Variants in ABCA13 observed in about 807,000 individuals in gnomAD.
The protein encoded by ABCA13 is ATP-binding cassette sub-family A member 13.
Under a neutral mutation model 478.7 loss-of-function variants are expected in ABCA13, and 476 were observed. That is an observed-to-expected ratio of 0.99 (90% CI 0.92 to 1.07). The LOEUF is 1.07. Among genes scored for constraint, ABCA13 ranks in the 50% least tolerant of loss-of-function variants. ABCA13 has a pLI of 0.00. For synonymous variants in ABCA13, 2,252 were observed against 2,158.9 expected (o/e 1.04, Z -1.20); for missense variants, 6,060 against 5,910.6 (o/e 1.03, Z -0.83).
At chr7:48,294,440 T>G (rs202183982) in intron 20 of ABCA13, among the ~76,000 whole-genome samples, 67,928 of 132,250 alleles carry the variant, frequency 0.51, 17,623 homozygotes, top group East Asian at 0.83. Context: ...TTTTTTTTTT[T>G]TGTTTTGTTT....
intron 31 of ABCA13, among the ~76,000 whole-genome samples, chr7:48,355,963 C>CT (rs150180941): frequency 0.016 from 2,444 of 151,842 alleles, 104 homozygotes; most frequent in African/African-American, 0.057. Context: ...ATTTAGAACT[C>CT]TAAGATATTA....
At chr7:48,214,912 A>G (rs950253125) in intron 3 of ABCA13, among the ~76,000 whole-genome samples, 1 of 152,170 alleles carries the variant, frequency 6.6e-6, no homozygotes, top group Non-Finnish European at 1.5e-5. Flanking sequence ...TTGCATTCAC[A>G]ACTTCATTAA....
Position 48,566,378 on chromosome 7 carries a change from T to C in ABCA13, c.14355-13846T>C, listed in dbSNP as rs142224466. Among the ~76,000 whole-genome samples the C allele has an allele frequency of 7.0e-4, 106 of 152,304 alleles. No individual in the cohort carries two copies. In the East Asian group the frequency reaches 0.02, roughly 29 times the overall value. ...TGCTGAAGCGTAAAGCATACAGTTA[T>C]GACTTTCACTGCTAGGTTGAGATAA... On this transcript the variant is annotated intron_variant, in intron 55 of 61. Transcript: ENST00000435803.
chr7:48,304,820 G>C lies in ABCA13; in HGVS notation c.9322-5127G>C, dbSNP rs1308813799. On this transcript the variant is annotated intron_variant, in intron 23 of 61. Transcript: ENST00000435803. Reference sequence around the variant, plus strand: ...CAGCCAAATGATGCCTGCCTTACTGGGCAAGGACACCATTGGCACTGCCCT... The same window carrying C: ...CAGCCAAATGATGCCTGCCTTACTGCGCAAGGACACCATTGGCACTGCCCT... Among the ~76,000 whole-genome samples the C allele has an allele frequency of 3.3e-5, 5 of 152,128 alleles. No individual in the cohort carries two copies. In the East Asian group the frequency reaches 9.6e-4, roughly 29 times the overall value.
intron 31 of ABCA13, among the ~76,000 whole-genome samples, chr7:48,364,166 C>T (rs1444150315): frequency 6.6e-6 from 1 of 152,134 alleles, no homozygotes; most frequent in Non-Finnish European, 1.5e-5. Context: ...TCCATTGCCA[C>T]AAAGATAGAG....
chr7:48,607,702 C>T (rs186256987), intron 58 of ABCA13, among the ~76,000 whole-genome samples: 1 of 152,228 alleles, frequency 6.6e-6, no homozygotes, highest in East Asian at 1.9e-4. Flanking sequence ...GAGAACTGCA[C>T]ATTTTAGATA....
At chr7:48,585,818 C>G (rs1006392696) in intron 56 of ABCA13, among the ~76,000 whole-genome samples, 1 of 151,974 alleles carries the variant, frequency 6.6e-6, no homozygotes, top group Non-Finnish European at 1.5e-5. Context: ...ATTAATACTT[C>G]TATGGTCATA....
At chr7:48,236,269 T>A (rs539556687) in intron 8 of ABCA13, among the ~76,000 whole-genome samples, 1 of 152,122 alleles carries the variant, frequency 6.6e-6, no homozygotes, top group South Asian at 2.1e-4. Context: ...GTGATCAGAG[T>A]TATTTGGAGA....
At chr7:48,225,127 G>GCCTT (rs1325153089) in intron 5 of ABCA13, among the ~76,000 whole-genome samples, 2,237 of 80,748 alleles carry the variant, frequency 0.028, 29 homozygotes, top group Non-Finnish European at 0.04. Context: ...CTGCCTGCCT[G>GCCTT]CCTGCCTGCC....
chr7:48,615,192 T>C, intron 58 of ABCA13, 93 bp from the exon 59 acceptor site: 1 of 719,486 alleles, frequency 1.4e-6, no homozygotes, highest in Non-Finnish European at 2.0e-6. Context: ...TTTGCCCTAA[T>C]GGTATCTTGT....
intron 51 of ABCA13, among the ~76,000 whole-genome samples, chr7:48,513,173 A>G (rs1831839961): frequency 1.3e-5 from 2 of 152,104 alleles, no homozygotes; most frequent in South Asian, 4.1e-4. Context: ...CCTTCTAAGG[A>G]CCTATGGGTA....
intron 5 of ABCA13, among the ~76,000 whole-genome samples, chr7:48,224,234 A>C (rs955731212): frequency 2.6e-5 from 4 of 152,118 alleles, no homozygotes; most frequent in African/African-American, 9.7e-5. Context: ...TTCTTCCCCG[A>C]AGTCAGTTCA....
At chr7:48,402,266 C>G (rs140360499) in intron 38 of ABCA13, among the ~76,000 whole-genome samples, 1 of 152,306 alleles carries the variant, frequency 6.6e-6, no homozygotes, top group Non-Finnish European at 1.5e-5. Context: ...TTGAGAACAT[C>G]TGACATCTTA....
chr7:48,279,822 T>G lies in ABCA13; in HGVS notation c.8628T>G (p.Phe2876Leu). The G allele has an allele frequency of 6.3e-7, 1 of 1,591,936 alleles. No individual in the cohort carries two copies. The highest frequency in any genetic ancestry group is 8.5e-7 in the Non-Finnish European group (1 of 1,172,414). Reference sequence around the variant, plus strand: ...GAACCAAGAAAGAGATGATTGACTTTCCTTATAGTTTCAAACCATTTTTCT... The same window carrying G: ...GAACCAAGAAAGAGATGATTGACTTGCCTTATAGTTTCAAACCATTTTTCT... ...EERTKKEMID[F>L]PYSFKPFFCL... The change falls in exon 18 of 62, where the codon TTT becomes TTG. Residue 2876 changes from phenylalanine (F) to leucine (L), a missense_variant. By Grantham distance (22) the Phe-to-Leu change is conservative. This residue lies in a region of ABCA13 where 4,423 missense variants were observed against 4,309.1 expected (regional missense o/e 1.03). Transcript: ENST00000435803.
chr7:48,601,389 C>A (rs1429884456), intron 58 of ABCA13, among the ~76,000 whole-genome samples: 1 of 152,074 alleles, frequency 6.6e-6, no homozygotes, highest in African/African-American at 2.4e-5. Flanking sequence ...CCTCCCACCC[C>A]CGCAACAGGC....
At chr7:48,522,551 T>C (rs1832625503) in intron 53 of ABCA13, among the ~76,000 whole-genome samples, 2 of 152,168 alleles carry the variant, frequency 1.3e-5, no homozygotes, top group African/African-American at 4.8e-5. Flanking sequence ...CCATCTGAAT[T>C]CTTCCTATTT....
In ABCA13 at chr7:48,643,309, C is replaced by A; in HGVS notation, c.14859C>A (p.Val4953=). Reference sequence around the variant, plus strand: ...TCAGGTTTGGTGATGGTTATACAGTCAAAGTTTGGCTCTGTAAGGAAGCAA... The same window carrying A: ...TCAGGTTTGGTGATGGTTATACAGTAAAAGTTTGGCTCTGTAAGGAAGCAA... The part of the protein sequence containing the change: ...IKNRFGDGYT[V]KVWLCKEANQ... The change falls in exon 60 of 62, where the codon GTC becomes GTA. Residue 4953 remains valine (V), a synonymous_variant. Coordinates refer to ENST00000435803, the MANE Select transcript of ABCA13 (RefSeq NM_152701.5). 1 of 1,611,156 alleles carries A rather than the reference C, an allele frequency of 6.2e-7. No homozygotes were observed. The highest frequency in any genetic ancestry group is 8.5e-7 in the Non-Finnish European group (1 of 1,178,846).
At chr7:48,360,755 T>C (rs898271047) in intron 31 of ABCA13, among the ~76,000 whole-genome samples, 13 of 151,992 alleles carry the variant, frequency 8.6e-5, no homozygotes, top group African/African-American at 2.4e-4. Flanking sequence ...TTGTGCTACA[T>C]ACTCATTTGG....
chr7:48,532,761 T>A (rs192190464), intron 55 of ABCA13, among the ~76,000 whole-genome samples: 338 of 152,220 alleles, frequency 2.2e-3, no homozygotes, highest in Admixed American at 4.3e-3. Context: ...AATTTATTCA[T>A]CTCCTTCAGG....
Sources: allele counts gnomAD v4.1 joint callset (sites outside exome capture counted in the v4.1 genomes callset), GRCh38; gene constraint gnomAD v4.1.1; regional missense constraint gnomAD v4.1.1; transcripts MANE v1.5; gene names NCBI Gene and HGNC (gene_info 2026-07-23, HGNC 2026-07-21).